ADGRV1: variants seen among roughly 807,000 people sequenced by gnomAD.
ADGRV1 encodes adhesion G protein-coupled receptor V1.
Under a neutral mutation model 596.2 loss-of-function variants are expected in ADGRV1, and 359 were observed. The observed-to-expected ratio is 0.60, with a 90% CI of 0.55 to 0.66. The LOEUF is 0.66. Ranked by LOEUF, ADGRV1 falls within the 30% of genes least tolerant of loss-of-function variation. The pLI, the probability that ADGRV1 is intolerant of heterozygous loss-of-function variation, is 0.00. For synonymous variants in ADGRV1, 2,681 were observed against 2,679.2 expected, an observed-to-expected ratio of 1.00 and a Z score of -0.02; for missense variants, 7,274 against 7,575.6, an observed-to-expected ratio of 0.96 and a Z score of 1.48.
chr5:90,591,821 C>T (rs1561341658), intron 1 of ADGRV1, among the ~76,000 whole-genome samples: 1 of 152,224 alleles, frequency 6.6e-6, no homozygotes. Flanking sequence ...GAATGGTTAA[C>T]ATAACTTAGG....
chr5:91,036,679 T>A (rs1411034967), intron 85 of ADGRV1, among the ~76,000 whole-genome samples: 1 of 151,948 alleles, frequency 6.6e-6, no homozygotes, highest in East Asian at 1.9e-4. Flanking sequence ...CCTATGATTG[T>A]TCAACTGCAC....
chr5:90,595,211 G>A (rs1274728228), intron 1 of ADGRV1, among the ~76,000 whole-genome samples: 3 of 56,806 alleles, frequency 5.3e-5, no homozygotes, highest in African/African-American at 9.3e-5. Context: ...CGGGCGGGGG[G>A]CTGACCCCCC....
chr5:90,651,862 A>G (rs948530967), intron 18 of ADGRV1, 132 bp downstream of exon 18: 5 of 569,544 alleles, frequency 8.8e-6, no homozygotes, highest in Admixed American at 6.6e-5. Flanking sequence ...GGCAGTCTGA[A>G]TGAGTGGTAA....
chr5:90,722,657 G>T (rs190408094), intron 45 of ADGRV1, among the ~76,000 whole-genome samples: 220 of 137,290 alleles, frequency 1.6e-3, no homozygotes, highest in Non-Finnish European at 2.9e-3. Flanking sequence ...GGAGGATGCC[G>T]TGAGCCGAGA....
In ADGRV1 at chr5:90,863,867, C is replaced by A; in HGVS notation, c.17856+10C>A. ...CAGCTTAGGTACACAGGTAGGAGAG[C>A]GCTGGCATTTTTGATTTATCGTGAG... is the stretch of plus-strand genomic sequence containing the variant. On this transcript the variant is annotated intron_variant, in intron 83 of 89. Transcript: ENST00000405460. The A allele has an allele frequency of 1.3e-6, 2 of 1,553,566 alleles. No individual in the cohort carries two copies. Among genetic ancestry groups the A allele is most frequent in the Non-Finnish European group, 1.8e-6 (2 of 1,126,126 alleles).
chr5:91,147,033 G>A (rs775136457), intron 87 of ADGRV1, among the ~76,000 whole-genome samples: 5 of 152,174 alleles, frequency 3.3e-5, no homozygotes, highest in Admixed American at 6.5e-5. Context: ...CAAACATGGT[G>A]AAACACGCCT....
chr5:90,943,503 A>G (rs1057031208), intron 83 of ADGRV1, among the ~76,000 whole-genome samples: 1 of 152,018 alleles, frequency 6.6e-6, no homozygotes, highest in African/African-American at 2.4e-5. Flanking sequence ...TGTCCTTAAG[A>G]TCACAGCTAA....
chr5:90,886,833 C>A (rs1331674774), intron 83 of ADGRV1, among the ~76,000 whole-genome samples: 1 of 152,198 alleles, frequency 6.6e-6, no homozygotes, highest in African/African-American at 2.4e-5. Context: ...TTCAGCTTAC[C>A]AGCAAGACTT....
chr5:91,033,150 A>G (rs975588390), intron 85 of ADGRV1, among the ~76,000 whole-genome samples: 2 of 152,010 alleles, frequency 1.3e-5, no homozygotes, highest in Non-Finnish European at 2.9e-5. Flanking sequence ...CCTTCCATTG[A>G]TGTGATTAAA....
intron 82 of ADGRV1, among the ~76,000 whole-genome samples, chr5:90,861,151 A>G (rs1162123857): frequency 6.6e-6 from 1 of 152,110 alleles, no homozygotes; most frequent in Non-Finnish European, 1.5e-5. Context: ...AGTGGTAGGA[A>G]AAAAAAGAAA....
intron 9 of ADGRV1, among the ~76,000 whole-genome samples, chr5:90,631,739 T>A (rs1765525246): frequency 1.3e-5 from 2 of 152,062 alleles, no homozygotes; most frequent in South Asian, 2.1e-4. Context: ...GGAGTCTGGA[T>A]CTGTGAAGTG....
At chr5:90,563,549 T>C (rs948089556) in intron 1 of ADGRV1, among the ~76,000 whole-genome samples, 2 of 152,222 alleles carry the variant, frequency 1.3e-5, no homozygotes, top group Non-Finnish European at 2.9e-5. Flanking sequence ...TCAAATAAAA[T>C]GCAACTCCAA....
At chr5:90,784,723 C>T (rs1415917078) in intron 67 of ADGRV1, among the ~76,000 whole-genome samples, 2 of 151,932 alleles carry the variant, frequency 1.3e-5, no homozygotes, top group African/African-American at 2.4e-5. Flanking sequence ...TCACATGGAA[C>T]CTCCTAAGCC....
chr5:90,939,212 C>T (rs1775966163), intron 83 of ADGRV1, among the ~76,000 whole-genome samples: 1 of 152,094 alleles, frequency 6.6e-6, no homozygotes, highest in African/African-American at 2.4e-5. Context: ...AAAACATAAT[C>T]AAAGAAGGGG....
chr5:90,595,358 C>A (rs1172692647), intron 1 of ADGRV1, among the ~76,000 whole-genome samples: 5 of 58,194 alleles, frequency 8.6e-5, no homozygotes, highest in African/African-American at 1.6e-4. Flanking sequence ...CCACCTCCCT[C>A]CCGGACGGGG....
At chr5:90,766,113 G>A (rs1362353144) in intron 59 of ADGRV1, among the ~76,000 whole-genome samples, 5 of 152,060 alleles carry the variant, frequency 3.3e-5, no homozygotes, top group Admixed American at 2.0e-4. Context: ...GTTTCACTGT[G>A]TTAGCCAGGA....
At chr5:91,027,476 G>A (rs1784111574) in intron 85 of ADGRV1, among the ~76,000 whole-genome samples, 1 of 152,078 alleles carries the variant, frequency 6.6e-6, no homozygotes, top group Non-Finnish European at 1.5e-5. Context: ...TGAAAGATAT[G>A]GAAACAGCAT....
At chr5:90,819,612 T>G (rs1248880102) in intron 75 of ADGRV1, among the ~76,000 whole-genome samples, 3 of 151,466 alleles carry the variant, frequency 2.0e-5, no homozygotes, top group Admixed American at 6.6e-5. Flanking sequence ...TCTGGTATGT[T>G]GTGTCTTTGT....
intron 59 of ADGRV1, among the ~76,000 whole-genome samples, chr5:90,765,921 G>GT (rs1222608916): frequency 6.7e-6 from 1 of 149,186 alleles, no homozygotes; most frequent in Non-Finnish European, 1.5e-5. Context: ...TAATTAATTA[G>GT]TTTTTTGAGA....
Sources: allele counts gnomAD v4.1 joint callset (sites outside exome capture counted in the v4.1 genomes callset), GRCh38; gene constraint gnomAD v4.1.1; transcripts MANE v1.5; gene names NCBI Gene and HGNC (gene_info 2026-07-23, HGNC 2026-07-21).